FAM161A: variants seen among roughly 807,000 people sequenced by gnomAD.
The protein encoded by FAM161A is FAM161 centrosomal protein A.
Under a neutral mutation model 70.9 loss-of-function variants are expected in FAM161A, and 57 were observed. The ratio of observed to expected loss-of-function variants is 0.80; its 90% CI spans 0.65 to 1.00. The LOEUF (loss-of-function observed/expected upper bound fraction) is 1.00, where lower values mean the gene tolerates loss of function less well. FAM161A is among the 50% of genes least tolerant of loss of function. The probability of loss-of-function intolerance (pLI) is 0.00; values close to 1 mark genes in which losing one functional copy is unlikely to be tolerated. For missense variants in FAM161A, 880 were observed against 836.0 expected, an observed-to-expected ratio of 1.05 and a Z score of -0.65; for synonymous variants, 299 against 295.7, an observed-to-expected ratio of 1.01 and a Z score of -0.12.
Position 61,826,295 on chromosome 2 carries a change from C to A in FAM161A, c.*160G>T. On this transcript the variant is annotated 3_prime_UTR_variant, in exon 7 of 7. Coordinates refer to ENST00000404929, the MANE Select transcript of FAM161A (RefSeq NM_001201543.2). ...AGCCTTACTCTAACTGATCAAATGA[C>A]CAATCAGCTGGATTCAGGCTTTTCA... 1.3e-6 allele frequency: 1 copy of A among 767,072 alleles called. No homozygotes were observed. Among genetic ancestry groups the A allele is most frequent in the South Asian group, 1.5e-5 (1 of 67,824 alleles). 47.5% of individuals were successfully genotyped at this position (767,072 alleles called of 1,614,324 possible).
At chr2:61,820,319 C>CA (rs1209476667), downstream of FAM161A, 5 of 738,800 alleles carry the variant, frequency 6.8e-6, no homozygotes, top group East Asian at 1.2e-4. Flanking sequence ...GGAATGCTCA[C>CA]AGGCTGTGTG....
At chr2:61,805,511 A>G in the FAM161A span, among the ~76,000 whole-genome samples, 254 of 152,290 alleles carry the variant, frequency 1.7e-3, 1 homozygote, top group South Asian at 0.011. Flanking sequence ...CCAAGACTCC[A>G]TCTCAAAAAC....
chr2:61,827,376 C>T (rs893140196), intron 5 of FAM161A, 118 bp from the exon 6 acceptor site: 3 of 920,312 alleles, frequency 3.3e-6, no homozygotes, highest in Middle Eastern at 3.3e-4. Flanking sequence ...TTTGGGAGGC[C>T]GAGACGGGTG....
chr2:61,830,263 C>A (rs935599586), intron 5 of FAM161A, among the ~76,000 whole-genome samples: 17 of 152,110 alleles, frequency 1.1e-4, no homozygotes, highest in Admixed American at 9.2e-4. Flanking sequence ...AATAAAGGTT[C>A]CACCTGGCAT....
chr2:61,826,979 A>T, intron 6 of FAM161A, 125 bp downstream of exon 6: 1 of 869,798 alleles, frequency 1.1e-6, no homozygotes, highest in Non-Finnish European at 1.8e-6. Flanking sequence ...TATGTCTTTT[A>T]CTATTGGGTA....
chr2:61,844,377 C>T (rs1355792604), intron 1 of FAM161A, among the ~76,000 whole-genome samples: 4 of 152,024 alleles, frequency 2.6e-5, no homozygotes, highest in Non-Finnish European at 5.9e-5. Flanking sequence ...CAGCTAGCTG[C>T]TAAAATGTAC....
the FAM161A span, among the ~76,000 whole-genome samples, chr2:61,814,520 G>C: frequency 1.3e-5 from 2 of 151,988 alleles, no homozygotes; most frequent in South Asian, 2.1e-4. Context: ...TTTCAGACAA[G>C]CTAGGGCAAC....
At chr2:61,849,100 A>T (rs1260764320) in intron 1 of FAM161A, among the ~76,000 whole-genome samples, 20 of 82,350 alleles carry the variant, frequency 2.4e-4, no homozygotes, top group Non-Finnish European at 3.8e-4. Context: ...ATTTAAATAT[A>T]TATATTTATA....
the FAM161A span, among the ~76,000 whole-genome samples, chr2:61,813,732 A>G: frequency 7.5e-6 from 1 of 133,240 alleles, no homozygotes; most frequent in South Asian, 2.1e-4. Flanking sequence ...AAAAAAAAAA[A>G]AAAGAAAAAA....
chr2:61,848,587 A>G (rs1405103097), intron 1 of FAM161A, among the ~76,000 whole-genome samples: 1 of 151,542 alleles, frequency 6.6e-6, no homozygotes, highest in Admixed American at 6.6e-5. Flanking sequence ...TAGATAATGA[A>G]TCCTTCCAGT....
the FAM161A span, among the ~76,000 whole-genome samples, chr2:61,806,249 A>T: frequency 6.6e-6 from 1 of 152,168 alleles, no homozygotes; most frequent in African/African-American, 2.4e-5. Flanking sequence ...AAGAAATTGC[A>T]ATCTGGAAGG....
intron 5 of FAM161A, among the ~76,000 whole-genome samples, chr2:61,827,822 C>A (rs1377792464): frequency 6.6e-6 from 1 of 151,972 alleles, no homozygotes; most frequent in Non-Finnish European, 1.5e-5. Context: ...GGGAAATCAC[C>A]CAAATATCTA....
downstream of FAM161A, among the ~76,000 whole-genome samples, chr2:61,820,961 C>T (rs896688805): frequency 1.3e-5 from 2 of 152,138 alleles, no homozygotes; most frequent in African/African-American, 4.8e-5. Flanking sequence ...TACTCCCAGG[C>T]TCTTAGAGGC....
At chr2:61,814,899 TAC>T in the FAM161A span, among the ~76,000 whole-genome samples, 2 of 152,126 alleles carry the variant, frequency 1.3e-5, no homozygotes, top group South Asian at 4.1e-4. Context: ...TCTTAAGAAA[TAC>T]AGTTATCCTT....
downstream of FAM161A, among the ~76,000 whole-genome samples, chr2:61,822,554 T>C (rs1167093754): frequency 6.6e-6 from 1 of 152,206 alleles, no homozygotes; most frequent in Non-Finnish European, 1.5e-5. Flanking sequence ...CATACATTTT[T>C]CTTTGAAGCA....
chr2:61,851,106 T>C (rs1220221221), intron 1 of FAM161A, among the ~76,000 whole-genome samples: 1 of 152,016 alleles, frequency 6.6e-6, no homozygotes, highest in East Asian at 1.9e-4. Flanking sequence ...ACTCCCAACC[T>C]CAGGTGATCC....
the FAM161A span, among the ~76,000 whole-genome samples, chr2:61,814,450 C>A: frequency 6.6e-6 from 1 of 152,184 alleles, no homozygotes; most frequent in Admixed American, 6.5e-5. Flanking sequence ...GCTCAGACAA[C>A]TGTTAGCACA....
At position 61,838,569 on chromosome 2, in the gene FAM161A, G is replaced by A. The variant is rs2105077920; in HGVS notation, c.1720C>T (p.Gln574Ter). The A allele has an allele frequency of 6.2e-7, 1 of 1,610,304 alleles. No homozygotes were observed. The highest frequency in any genetic ancestry group is 8.5e-7 in the Non-Finnish European group (1 of 1,178,504). ...KAYDSHQSLA[Q>*]ISKSRVKCLR... The stretch of plus-strand genomic sequence containing the variant: ...CATTTTACTCTGGATTTAGATATTT[G>A]AGCTAAACTTTGATGTGAGTCATAA... The change falls in exon 4 of 7, where the codon CAA becomes TAA. Residue 574 changes from glutamine to a stop codon, truncating the protein, a stop_gained. Transcript: ENST00000404929. LOFTEE classifies it high-confidence loss of function.
At chr2:61,817,505 A>G in the FAM161A span, among the ~76,000 whole-genome samples, 1 of 152,240 alleles carries the variant, frequency 6.6e-6, no homozygotes, top group Non-Finnish European at 1.5e-5. Context: ...ATTCACTGTA[A>G]TGAAAAACAA....
Sources: allele counts gnomAD v4.1 joint callset (sites outside exome capture counted in the v4.1 genomes callset), GRCh38; gene constraint gnomAD v4.1.1; transcripts MANE v1.5; gene names NCBI Gene and HGNC (gene_info 2026-07-23, HGNC 2026-07-21).